RIF1: variants seen among roughly 807,000 people sequenced by gnomAD.
RIF1 encodes the protein replication timing regulatory factor 1.
A neutral mutation model predicts 247.1 loss-of-function variants in RIF1; 45 were observed. That is an observed-to-expected ratio of 0.18 (90% CI 0.14 to 0.23). The LOEUF is 0.23. Among genes scored for constraint, RIF1 ranks in the 10% least tolerant of loss-of-function variants. RIF1 has a pLI of 1.00. For missense variants in RIF1, 2,967 were observed against 2,862.5 expected, an observed-to-expected ratio of 1.04 and a Z score of -0.83; for synonymous variants, 1,087 against 978.8, an observed-to-expected ratio of 1.11 and a Z score of -2.06.
chr2:151,420,156 T>G (rs1293482014), intron 6 of RIF1, 34 bp from the exon 7 acceptor site: 5 of 1,577,570 alleles, frequency 3.2e-6, no homozygotes, highest in Non-Finnish European at 4.3e-6. Context: ...AAACATGAGG[T>G]CACGCTAATT....
At chr2:151,498,302 A>C in intron 10 of RIF1, 5 of 1,551,468 alleles carry the variant, frequency 3.2e-6, no homozygotes, top group South Asian at 2.4e-5. Context: ...TCTGCATCTC[A>C]GGAGTGATGG....
At chr2:151,510,562 AC>A, downstream of RIF1, among the ~76,000 whole-genome samples, 1 of 152,376 alleles carries the variant, frequency 6.6e-6, no homozygotes, top group African/African-American at 2.4e-5. Context: ...AAATAAGAGT[AC>A]ATTACAATAA....
In RIF1 at chr2:151,477,244, C is replaced by A. The variant is rs1371547175; in HGVS notation, c.*2173C>A. 1 of 152,132 alleles carries A rather than the reference C, an allele frequency of 6.6e-6. No individual in the cohort carries two copies. The highest frequency in any genetic ancestry group is 2.4e-5 in the African/African-American group (1 of 41,428). The allele number at this position is 152,132 out of a possible 1,614,324, so 9.4% of individuals were successfully genotyped here. Reference sequence around the variant, plus strand: ...TCCCGAATAGCAAAACATTAATATTCCATGATTAGCTCTACTGTGTTGTCT... The same window carrying A: ...TCCCGAATAGCAAAACATTAATATTACATGATTAGCTCTACTGTGTTGTCT... On this transcript the variant is annotated 3_prime_UTR_variant, in exon 36 of 36. Transcript: ENST00000444746.
the RIF1 span, chr2:151,513,711 GA>G: frequency 1.5e-3 from 2,050 of 1,350,982 alleles, no homozygotes; most frequent in Admixed American, 1.9e-3. Flanking sequence ...AGCATTAAAA[GA>G]AAAAAAAAAG....
At chr2:151,419,199 C>CT (rs949982412) in intron 6 of RIF1, among the ~76,000 whole-genome samples, 10 of 152,000 alleles carry the variant, frequency 6.6e-5, no homozygotes, top group African/African-American at 2.4e-4. Flanking sequence ...TTGCAGTTAA[C>CT]TTTTTTTAAA....
At chr2:151,410,559 G>A in intron 2 of RIF1, 32 bp downstream of exon 2, 2 of 1,537,472 alleles carry the variant, frequency 1.3e-6, no homozygotes, top group Non-Finnish European at 1.8e-6. Context: ...AGCGGAGAGT[G>A]GGGCGCTCTA....
At chr2:151,519,935 T>C in the RIF1 span, 2 of 499,260 alleles carry the variant, frequency 4.0e-6, no homozygotes. Context: ...TATTAATAAT[T>C]AAGAATGACA....
At chr2:151,459,851 C>G (rs1695853820) in intron 25 of RIF1, 149 bp from the exon 26 acceptor site, 1 of 666,252 alleles carries the variant, frequency 1.5e-6, no homozygotes, top group African/African-American at 1.9e-5. Context: ...CAGTGGCTTT[C>G]CTTTCTTTGA....
chr2:151,468,859 ACT>A (rs1574157364), intron 33 of RIF1, 103 bp downstream of exon 33: 1 of 787,366 alleles, frequency 1.3e-6, no homozygotes, highest in Non-Finnish European at 2.1e-6. Context: ...ATTGGCATGT[ACT>A]CTCACACACA....
chr2:151,486,778 A>G (rs1228901254), downstream of RIF1: 1 of 152,218 alleles, frequency 6.6e-6, no homozygotes, highest in Non-Finnish European at 1.5e-5. Flanking sequence ...GTATGGTTTT[A>G]TTTATATGAA....
chr2:151,468,375 GA>G (rs1288442647), intron 31 of RIF1, 98 bp from the exon 32 acceptor site: 3 of 1,055,508 alleles, frequency 2.8e-6, no homozygotes, highest in Non-Finnish European at 4.3e-6. Flanking sequence ...TATGTTTTTT[GA>G]ACTTTTAAAG....
intron 10 of RIF1, among the ~76,000 whole-genome samples, chr2:151,433,559 A>C (rs1690569552): frequency 6.6e-6 from 1 of 152,024 alleles, no homozygotes. Context: ...GGTTCAAGTG[A>C]TTCTCCTGTG....
At chr2:151,446,967 G>A (rs1424129607) in intron 20 of RIF1, among the ~76,000 whole-genome samples, 3 of 122,686 alleles carry the variant, frequency 2.4e-5, no homozygotes, top group Admixed American at 8.7e-5. Flanking sequence ...TTTTTGAGAC[G>A]GAGTCTCGCT....
At chr2:151,519,456 G>A in the RIF1 span, among the ~76,000 whole-genome samples, 2 of 152,306 alleles carry the variant, frequency 1.3e-5, no homozygotes, top group Middle Eastern at 6.8e-3. Flanking sequence ...TAGATAAGAG[G>A]TTCCCAGGAG....
downstream of RIF1, among the ~76,000 whole-genome samples, chr2:151,512,054 A>T (rs2074892219): frequency 9.0e-6 from 1 of 111,460 alleles, no homozygotes; most frequent in Non-Finnish European, 1.7e-5. Flanking sequence ...TTTTTGAGAC[A>T]GAGTCTTGCT....
At chr2:151,482,649 C>T (rs986082618), downstream of RIF1, among the ~76,000 whole-genome samples, 2 of 152,086 alleles carry the variant, frequency 1.3e-5, no homozygotes, top group African/African-American at 4.8e-5. Flanking sequence ...CGAAGAAAAG[C>T]TCCATAGTTT....
intron 9 of RIF1, chr2:151,490,126 T>G (rs941882391): frequency 1.6e-5 from 22 of 1,405,722 alleles, no homozygotes; most frequent in Non-Finnish European, 2.1e-5. Flanking sequence ...TGGCTAGGTA[T>G]CCTTTAATCT....
chr2:151,530,393 G>A, the RIF1 span, among the ~76,000 whole-genome samples: 4 of 152,022 alleles, frequency 2.6e-5, no homozygotes, highest in Admixed American at 6.5e-5. Context: ...CGAGGGCCTC[G>A]ATCTGGGCTT....
intron 8 of RIF1, among the ~76,000 whole-genome samples, chr2:151,425,069 T>G (rs1688806630): frequency 6.6e-6 from 1 of 151,870 alleles, no homozygotes; most frequent in African/African-American, 2.4e-5. Flanking sequence ...CACCAACACT[T>G]TTTATTTTCC....
Sources: allele counts gnomAD v4.1 joint callset (sites outside exome capture counted in the v4.1 genomes callset), GRCh38; gene constraint gnomAD v4.1.1; transcripts MANE v1.5; gene names NCBI Gene and HGNC (gene_info 2026-07-23, HGNC 2026-07-21).